HECW2: variants seen among roughly 807,000 people sequenced by gnomAD.
HECW2 encodes HECT, C2 and WW domain containing E3 ubiquitin protein ligase 2.
HECW2 carries 61 observed loss-of-function variants against 175.2 expected under a neutral mutation model. The ratio of observed to expected loss-of-function variants is 0.35; its 90% CI spans 0.28 to 0.43. The LOEUF (loss-of-function observed/expected upper bound fraction) is 0.43, where lower values mean the gene tolerates loss of function less well. HECW2 is among the 20% of genes least tolerant of loss of function. The pLI is 1.00. For synonymous variants in HECW2, 671 were observed against 731.0 expected, an observed-to-expected ratio of 0.92 and a Z score of 1.32; for missense variants, 1,524 against 2,000.5, an observed-to-expected ratio of 0.76 and a Z score of 4.54.
chr2:196,477,789 CACCTGTA>C (rs1686701050), intron 1 of HECW2, among the ~76,000 whole-genome samples: 1 of 152,186 alleles, frequency 6.6e-6, no homozygotes, highest in Non-Finnish European at 1.5e-5. Context: ...CAGTGACTCA[CACCTGTA>C]ATCCCAGCAT....
intron 19 of HECW2, among the ~76,000 whole-genome samples, chr2:196,253,271 AT>A (rs1688925864): frequency 6.6e-6 from 1 of 152,236 alleles, no homozygotes; most frequent in African/African-American, 2.4e-5. Flanking sequence ...ACTGCCTATA[AT>A]AAGGACCTAT....
chr2:196,527,382 C>A (rs1688702988), intron 1 of HECW2, among the ~76,000 whole-genome samples: 1 of 152,256 alleles, frequency 6.6e-6, no homozygotes, highest in African/African-American at 2.4e-5. Flanking sequence ...CTGTCTGGCA[C>A]TCCCTAGTGA....
intron 1 of HECW2, among the ~76,000 whole-genome samples, chr2:196,449,718 AAAT>A (rs1191831638): frequency 1.3e-5 from 2 of 152,226 alleles, no homozygotes; most frequent in Non-Finnish European, 2.9e-5. Context: ...CCATGGCCTT[AAAT>A]AATAATTTCA....
chr2:196,230,930 C>T (rs1470629045), intron 21 of HECW2, among the ~76,000 whole-genome samples: 1 of 151,746 alleles, frequency 6.6e-6, no homozygotes, highest in African/African-American at 2.4e-5. Flanking sequence ...GGTGAAACCC[C>T]GTCTCTACTA....
At chr2:196,396,001 T>C (rs1016997709) in intron 2 of HECW2, among the ~76,000 whole-genome samples, 1 of 152,178 alleles carries the variant, frequency 6.6e-6, no homozygotes, top group African/African-American at 2.4e-5. Flanking sequence ...ATAAACAACA[T>C]GTAGTATATA....
chr2:196,209,191 C>T (rs556608316), intron 28 of HECW2, among the ~76,000 whole-genome samples: 1 of 152,358 alleles, frequency 6.6e-6, no homozygotes, highest in Non-Finnish European at 1.5e-5. Context: ...GTAGATTTGA[C>T]TTGGACTATC....
chr2:196,391,732 G>GA (rs1227583962), intron 2 of HECW2, among the ~76,000 whole-genome samples: 1 of 152,174 alleles, frequency 6.6e-6, no homozygotes, highest in Non-Finnish European at 1.5e-5. Flanking sequence ...TAAAACAACA[G>GA]AAAGTTACTC....
At chr2:196,248,017 G>A (rs1688711187) in intron 19 of HECW2, among the ~76,000 whole-genome samples, 1 of 152,180 alleles carries the variant, frequency 6.6e-6, no homozygotes, top group Non-Finnish European at 1.5e-5. Context: ...ATAATTTCTG[G>A]AAGGCTCCAT....
chr2:196,332,338 CAT>C (rs896053623), intron 4 of HECW2, among the ~76,000 whole-genome samples: 1 of 152,162 alleles, frequency 6.6e-6, no homozygotes, highest in African/African-American at 2.4e-5. Context: ...ATTATAGAAA[CAT>C]AGTCCTGATC....
intron 19 of HECW2, among the ~76,000 whole-genome samples, chr2:196,246,593 T>C (rs574495548): frequency 6.8e-4 from 104 of 152,094 alleles, no homozygotes; most frequent in Middle Eastern, 3.4e-3. Context: ...GGTTTCACCA[T>C]GTTAGCCAGG....
At chr2:196,416,445 G>C (rs1013623676) in intron 2 of HECW2, among the ~76,000 whole-genome samples, 1 of 152,174 alleles carries the variant, frequency 6.6e-6, no homozygotes, top group Non-Finnish European at 1.5e-5. Context: ...TTTAAATGGT[G>C]CTATTAAAAA....
intron 1 of HECW2, among the ~76,000 whole-genome samples, chr2:196,544,278 C>T (rs184030017): frequency 4.7e-4 from 71 of 152,296 alleles, no homozygotes; most frequent in African/African-American, 9.4e-4. Flanking sequence ...ACCAAGTGCC[C>T]AACTCAAGCT....
At chr2:196,583,424 T>C (rs761771607) in intron 1 of HECW2, among the ~76,000 whole-genome samples, 1 of 152,232 alleles carries the variant, frequency 6.6e-6, no homozygotes, top group African/African-American at 2.4e-5. Flanking sequence ...AACTTTACTG[T>C]GCATCCAACA....
At chr2:196,500,602 T>C (rs922682170) in intron 1 of HECW2, among the ~76,000 whole-genome samples, 2 of 152,236 alleles carry the variant, frequency 1.3e-5, no homozygotes, top group Non-Finnish European at 2.9e-5. Flanking sequence ...TATTTATCAA[T>C]GACATTTTTA....
intron 2 of HECW2, among the ~76,000 whole-genome samples, chr2:196,378,899 G>A (rs889354332): frequency 1.3e-5 from 2 of 152,160 alleles, no homozygotes; most frequent in Non-Finnish European, 2.9e-5. Flanking sequence ...CACGAAGAAT[G>A]GGGCAGTCAG....
At chr2:196,383,983 A>T (rs773772597) in intron 2 of HECW2, among the ~76,000 whole-genome samples, 1 of 152,208 alleles carries the variant, frequency 6.6e-6, no homozygotes, top group Non-Finnish European at 1.5e-5. Flanking sequence ...TGGGAATTGT[A>T]CAACCTCAAC....
chr2:196,245,169 T>G (rs7575017), intron 19 of HECW2, among the ~76,000 whole-genome samples: 127,423 of 152,168 alleles, frequency 0.84, 54,437 homozygotes, highest in Non-Finnish European at 0.92. Flanking sequence ...AGCATGATGA[T>G]AATATAAAGT....
chr2:196,269,780 T>A (rs773288162), intron 17 of HECW2, among the ~76,000 whole-genome samples: 1 of 152,128 alleles, frequency 6.6e-6, no homozygotes, highest in Non-Finnish European at 1.5e-5. Flanking sequence ...CAAAGGACAA[T>A]GTGATACATT....
intron 1 of HECW2, among the ~76,000 whole-genome samples, chr2:196,458,824 C>T (rs1696623196): frequency 6.6e-6 from 1 of 152,194 alleles, no homozygotes; most frequent in South Asian, 2.1e-4. Flanking sequence ...CGAGATTGCA[C>T]TACTACACTC....
Sources: gnomAD v4.1 joint callset for allele counts (sites outside exome capture counted in the v4.1 genomes callset) on GRCh38, gnomAD v4.1.1 for gene constraint, MANE v1.5 for transcripts, NCBI Gene and HGNC (gene_info 2026-07-23, HGNC 2026-07-21) for gene names.